Variants in KLF17 observed in about 807,000 individuals in gnomAD.
KLF17 encodes KLF transcription factor 17, also known as Krueppel-like factor 17.
A neutral mutation model predicts 34.2 loss-of-function variants in KLF17; 31 were observed. The observed-to-expected ratio is 0.91, with a 90% CI of 0.68 to 1.22. KLF17 has a LOEUF of 1.22. Among genes scored for constraint, KLF17 ranks in the 50% most tolerant of loss-of-function variants. The probability of loss-of-function intolerance (pLI) is 0.00; values close to 1 mark genes in which losing one functional copy is unlikely to be tolerated. For missense variants in KLF17, 478 were observed against 505.2 expected (o/e 0.95, Z 0.52); for synonymous variants, 179 against 186.7 (o/e 0.96, Z 0.34).
At chr1:44,099,869 G>GAAAGAAAGAAAGAAAGAAAA in the KLF17 span, among the ~76,000 whole-genome samples, 1 of 51,464 alleles carries the variant, frequency 1.9e-5, no homozygotes, top group African/African-American at 6.0e-5. Context: ...AAGAAAGAAA[G>GAAAGAAAGAAAGAAAGAAAA]AAAGAAAGAA....
chr1:44,098,549 C>CTTTTTTTTTTTT, the KLF17 span, among the ~76,000 whole-genome samples: 1 of 118,972 alleles, frequency 8.4e-6, no homozygotes, highest in Non-Finnish European at 1.8e-5. Context: ...ACTCATATTT[C>CTTTTTTTTTTTT]TTTTTTTTTT....
intron 1 of KLF17, among the ~76,000 whole-genome samples, chr1:44,125,886 G>A (rs2088001506): frequency 6.6e-6 from 1 of 152,162 alleles, no homozygotes; most frequent in Non-Finnish European, 1.5e-5. Flanking sequence ...GGGAAGGGGA[G>A]GGGGTTGTAA....
chr1:44,054,311 A>G, the KLF17 span, among the ~76,000 whole-genome samples: 1 of 152,110 alleles, frequency 6.6e-6, no homozygotes, highest in African/African-American at 2.4e-5. Flanking sequence ...GGAAGAGGCA[A>G]AAGCCAAAAA....
chr1:44,069,443 C>T, the KLF17 span, among the ~76,000 whole-genome samples: 11 of 143,716 alleles, frequency 7.7e-5, no homozygotes, highest in East Asian at 6.2e-4. This position sits in a 1 kb window ranked among gnomAD's most constrained non-coding sequence, Gnocchi z 4.7. Flanking sequence ...CCATGGAAGG[C>T]GGAGGGGAGC....
the KLF17 span, among the ~76,000 whole-genome samples, chr1:44,077,982 A>G: frequency 6.6e-6 from 1 of 152,142 alleles, no homozygotes; most frequent in Non-Finnish European, 1.5e-5. Flanking sequence ...CCTGCTCTTT[A>G]TATTTTCTGG....
At chr1:44,111,463 GT>G in the KLF17 span, among the ~76,000 whole-genome samples, 1,008 of 90,478 alleles carry the variant, frequency 0.011, 6 homozygotes, top group African/African-American at 0.038. Context: ...TTTGCAACTT[GT>G]TTTTTTTTTT....
chr1:44,092,020 G>T, the KLF17 span, among the ~76,000 whole-genome samples: 1 of 112,442 alleles, frequency 8.9e-6, no homozygotes, highest in Non-Finnish European at 1.8e-5. Flanking sequence ...AATTTAAAAA[G>T]AACTACTGCA....
At chr1:44,064,722 A>G in the KLF17 span, among the ~76,000 whole-genome samples, 2 of 152,262 alleles carry the variant, frequency 1.3e-5, no homozygotes, top group South Asian at 2.1e-4. Context: ...ACCTTCACAT[A>G]TAGGTAACCA....
the KLF17 span, among the ~76,000 whole-genome samples, chr1:44,083,721 G>A: frequency 1.4e-4 from 21 of 149,182 alleles, no homozygotes; most frequent in Admixed American, 2.7e-4. Context: ...TTGAAGACGG[G>A]AGTTGGAGGT....
At chr1:44,066,436 G>A in the KLF17 span, among the ~76,000 whole-genome samples, 3 of 146,374 alleles carry the variant, frequency 2.0e-5, no homozygotes, top group South Asian at 2.2e-4. Context: ...ATGTTGCCTA[G>A]GCTGGTCTTG....
intron 1 of KLF17, among the ~76,000 whole-genome samples, chr1:44,125,135 A>T (rs2087993228): frequency 6.6e-6 from 1 of 152,168 alleles, no homozygotes; most frequent in East Asian, 1.9e-4. Context: ...CTTATGACAG[A>T]TTTCTTCACA....
At chr1:44,130,217 G>T in intron 2 of KLF17, 21 bp downstream of exon 2, 1 of 1,591,242 alleles carries the variant, frequency 6.3e-7, no homozygotes, top group Non-Finnish European at 8.6e-7. Context: ...TGTCAGGTGG[G>T]GTGGGGATGG....
the KLF17 span, among the ~76,000 whole-genome samples, chr1:44,093,388 G>A: frequency 2.6e-5 from 4 of 152,026 alleles, no homozygotes; most frequent in African/African-American, 9.7e-5. Flanking sequence ...TATGAGTCTT[G>A]TTTATACAAT....
At chr1:44,117,588 C>T (rs756854759), upstream of KLF17, among the ~76,000 whole-genome samples, 31 of 152,004 alleles carry the variant, frequency 2.0e-4, no homozygotes, top group Admixed American at 9.8e-4. Context: ...CTCCACCACC[C>T]GGATTCAAGC....
chr1:44,117,090 T>G (rs555671366), upstream of KLF17: 1 of 151,878 alleles, frequency 6.6e-6, no homozygotes, highest in Non-Finnish European at 1.5e-5. Context: ...TTTTCATTCT[T>G]TTTTTTTAGA....
chr1:44,087,766 A>G, the KLF17 span, among the ~76,000 whole-genome samples: 2 of 61,424 alleles, frequency 3.3e-5, no homozygotes, highest in African/African-American at 1.2e-4. Context: ...ATATATATAT[A>G]TATACACACA....
chr1:44,067,899 G>C, the KLF17 span, among the ~76,000 whole-genome samples: 1 of 152,106 alleles, frequency 6.6e-6, no homozygotes, highest in African/African-American at 2.4e-5. Flanking sequence ...GAGCAGAACC[G>C]AGAGGGTCTG....
chr1:44,120,682 T>C (rs1485481481), intron 1 of KLF17, among the ~76,000 whole-genome samples: 2 of 152,152 alleles, frequency 1.3e-5, no homozygotes, highest in Admixed American at 6.5e-5. Flanking sequence ...TAATTTGCCA[T>C]GAAGGACTGG....
chr1:44,113,065 A>C, the KLF17 span, among the ~76,000 whole-genome samples: 7 of 152,316 alleles, frequency 4.6e-5, no homozygotes, highest in South Asian at 1.4e-3. Flanking sequence ...CTTCCTGGAC[A>C]TTCCCATTTC....
Sources: allele counts gnomAD v4.1 joint callset (sites outside exome capture counted in the v4.1 genomes callset), GRCh38; gene constraint gnomAD v4.1.1; non-coding constraint Gnocchi (gnomAD v3.1); transcripts MANE v1.5; gene names NCBI Gene and HGNC (gene_info 2026-07-23, HGNC 2026-07-21).